RXFP2: variants seen among roughly 807,000 people sequenced by gnomAD.
The protein encoded by RXFP2 is relaxin receptor 2.
A neutral mutation model predicts 88.6 loss-of-function variants in RXFP2; 68 were observed. The ratio of observed to expected loss-of-function variants is 0.77; its 90% CI spans 0.63 to 0.94. The LOEUF is 0.94. RXFP2 is among the 40% of genes least tolerant of loss of function. The probability of loss-of-function intolerance (pLI) is 0.00; values close to 1 mark genes in which losing one functional copy is unlikely to be tolerated. For missense variants in RXFP2, 791 were observed against 893.9 expected (o/e 0.88, Z 1.47); for synonymous variants, 329 against 306.8 (o/e 1.07, Z -0.76).
At chr13:31,758,140 G>A in intron 1 of RXFP2, 118 bp from the exon 2 acceptor site, 1 of 960,942 alleles carries the variant, frequency 1.0e-6, no homozygotes, top group Non-Finnish European at 1.7e-6. Flanking sequence ...AAGAAACTGT[G>A]CACTAAGAAT....
At position 31,789,211 on chromosome 13, in the gene RXFP2, A is replaced by G. The variant is rs778326607; in HGVS notation, c.1145+18A>G. On this transcript the variant is annotated intron_variant, in intron 14 of 17. Coordinates refer to ENST00000298386, the MANE Select transcript of RXFP2 (RefSeq NM_130806.5). ...TCTCACATGTACGTATGTATAAAAA[A>G]TGGAGGAGGAAGCATGGTAAAATGC... The G allele has an allele frequency of 6.7e-7, 1 of 1,492,622 alleles. No individual in the cohort carries two copies. Among genetic ancestry groups the G allele is most frequent in the Non-Finnish European group, 9.3e-7 (1 of 1,071,716 alleles). 92.5% of individuals were successfully genotyped at this position (1,492,622 alleles called of 1,614,324 possible).
intron 9 of RXFP2, among the ~76,000 whole-genome samples, chr13:31,779,195 G>A (rs1873145656): frequency 1.3e-5 from 2 of 148,532 alleles, no homozygotes; most frequent in Admixed American, 6.8e-5. Flanking sequence ...GTGCGATCTC[G>A]GCTCACTGCA....
chr13:31,744,358 T>G (rs1232952879), intron 1 of RXFP2, among the ~76,000 whole-genome samples: 1 of 152,222 alleles, frequency 6.6e-6, no homozygotes. Flanking sequence ...TTTCATACAC[T>G]GTGCTATAGA....
chr13:31,786,685 C>A, intron 13 of RXFP2, 48 bp downstream of exon 13: 1 of 1,147,138 alleles, frequency 8.7e-7, no homozygotes, highest in Non-Finnish European at 1.3e-6. Flanking sequence ...AGTGGATGTA[C>A]TTAGAGACAC....
intron 1 of RXFP2, 137 bp from the exon 2 acceptor site, chr13:31,758,121 T>A: frequency 1.1e-6 from 1 of 878,470 alleles, no homozygotes; most frequent in Non-Finnish European, 1.9e-6. Flanking sequence ...TCATTGAGAA[T>A]ATTATTCAAA....
At chr13:31,767,296 G>T (rs1293768014) in intron 5 of RXFP2, among the ~76,000 whole-genome samples, 3 of 152,168 alleles carry the variant, frequency 2.0e-5, no homozygotes, top group Non-Finnish European at 2.9e-5. Flanking sequence ...AACCCCGGCT[G>T]CTCTCAGACC....
intron 7 of RXFP2, among the ~76,000 whole-genome samples, chr13:31,776,253 CTTT>C (rs149978498): frequency 2.4e-5 from 2 of 84,382 alleles, no homozygotes; most frequent in Non-Finnish European, 2.2e-5. Context: ...CTCTTTCCTT[CTTT>C]TTTTTTTTTT....
intron 17 of RXFP2, among the ~76,000 whole-genome samples, chr13:31,798,017 G>A (rs2138468440): frequency 6.6e-6 from 1 of 152,214 alleles, no homozygotes; most frequent in East Asian, 1.9e-4. Flanking sequence ...GCTATTTAGG[G>A]GCCACCACCC....
intron 9 of RXFP2, among the ~76,000 whole-genome samples, chr13:31,779,071 G>A (rs947875387): frequency 4.0e-5 from 6 of 150,970 alleles, no homozygotes; most frequent in African/African-American, 1.5e-4. Flanking sequence ...CCTGTCTCAG[G>A]GTACTATCTC....
chr13:31,777,299 C>G, intron 7 of RXFP2, 77 bp from the exon 8 acceptor site: 1 of 937,980 alleles, frequency 1.1e-6, no homozygotes. Flanking sequence ...AAGGAGTAGG[C>G]CAGGTGTTGA....
intron 1 of RXFP2, among the ~76,000 whole-genome samples, chr13:31,749,003 A>G (rs919696129): frequency 6.6e-6 from 1 of 152,180 alleles, no homozygotes; most frequent in African/African-American, 2.4e-5. Context: ...CTCAAAAAAA[A>G]TAAATACAAG....
chr13:31,786,692 A>G (rs1317640580), intron 13 of RXFP2, 55 bp downstream of exon 13: 14 of 1,124,252 alleles, frequency 1.2e-5, no homozygotes, highest in Non-Finnish European at 1.7e-5. Context: ...GTACTTAGAG[A>G]CACATTTATT....
chr13:31,792,099 A>G (rs1039983158), intron 15 of RXFP2, 64 bp downstream of exon 15: 27 of 1,156,854 alleles, frequency 2.3e-5, no homozygotes, highest in Non-Finnish European at 3.3e-5. Context: ...CTAGACATAT[A>G]TATGTATTTA....
At chr13:31,801,518 C>G (rs1171709460) in intron 17 of RXFP2, among the ~76,000 whole-genome samples, 1 of 152,100 alleles carries the variant, frequency 6.6e-6, no homozygotes, top group Non-Finnish European at 1.5e-5. Flanking sequence ...TGAAATGATG[C>G]TCTCAGGAAG....
At chr13:31,775,113 T>C (rs1285529382) in intron 6 of RXFP2, among the ~76,000 whole-genome samples, 1 of 152,230 alleles carries the variant, frequency 6.6e-6, no homozygotes, top group African/African-American at 2.4e-5. Context: ...TTCTCTGCCC[T>C]GGCCCTGGTG....
intron 3 of RXFP2, among the ~76,000 whole-genome samples, chr13:31,763,610 AGAAG>A (rs148186353): frequency 0.072 from 11,032 of 152,252 alleles, 414 homozygotes; most frequent in Middle Eastern, 0.13. Context: ...AATGCCATTG[AGAAG>A]ATTGAGGTAG....
At chr13:31,779,712 C>T (rs1437994023) in intron 9 of RXFP2, among the ~76,000 whole-genome samples, 2 of 152,178 alleles carry the variant, frequency 1.3e-5, no homozygotes, top group Non-Finnish European at 2.9e-5. Flanking sequence ...GAACTCTTCT[C>T]TGTCAAATCA....
chr13:31,783,360 G>C (rs1357722321), intron 11 of RXFP2, among the ~76,000 whole-genome samples: 1 of 152,080 alleles, frequency 6.6e-6, no homozygotes, highest in Admixed American at 6.5e-5. Context: ...GTGTATCAGT[G>C]GAAGTTAAAA....
rs776535132 is a variant in RXFP2, at chr13:31,796,038, C to CTTTTTTT, written c.1787-1140_1787-1134dup. Among the ~76,000 whole-genome samples, 17 of 36,982 alleles carry CTTTTTTT rather than the reference C, an allele frequency of 4.6e-4. 2 individuals carry two copies. Among genetic ancestry groups the CTTTTTTT allele is most frequent in the Admixed American group, 6.7e-4 (2 of 3,004 alleles). The allele number at this position is 36,982 out of a possible 152,430, so 24.3% of individuals were successfully genotyped here. On this transcript the variant is annotated intron_variant, in intron 16 of 17. Coordinates refer to ENST00000298386, the MANE Select transcript of RXFP2 (RefSeq NM_130806.5). ...ATACATTTTTGTTCTATGTGTTATT[C>CTTTTTTT]TTTTTTTTTTTTTTTTTTTTTTTTT...
Sources: allele counts gnomAD v4.1 joint callset (sites outside exome capture counted in the v4.1 genomes callset), GRCh38; gene constraint gnomAD v4.1.1; transcripts MANE v1.5; gene names NCBI Gene and HGNC (gene_info 2026-07-23, HGNC 2026-07-21).